KIAA0825: variants seen among roughly 807,000 people sequenced by gnomAD.
KIAA0825 encodes the protein uncharacterized protein KIAA0825.
KIAA0825 carries 119 observed loss-of-function variants against 147.6 expected under a neutral mutation model. The ratio of observed to expected loss-of-function variants is 0.81; its 90% confidence interval spans 0.69 to 0.94. The LOEUF (loss-of-function observed/expected upper bound fraction) is 0.94, where lower values mean the gene tolerates loss of function less well. KIAA0825 is among the 40% of genes least tolerant of loss of function. The probability of loss-of-function intolerance (pLI) is 0.00; values close to 1 mark genes in which losing one functional copy is unlikely to be tolerated. For synonymous variants in KIAA0825, 470 were observed against 518.1 expected, an observed-to-expected ratio of 0.91 and a Z score of 1.26; for missense variants, 1,381 against 1,472.7, an observed-to-expected ratio of 0.94 and a Z score of 1.02.
At chr5:94,347,015 G>C (rs1430517929) in intron 20 of KIAA0825, among the ~76,000 whole-genome samples, 1 of 152,122 alleles carries the variant, frequency 6.6e-6, no homozygotes, top group Non-Finnish European at 1.5e-5. Flanking sequence ...TTGGGAGCTG[G>C]GTGAGGCCTG....
At chr5:94,173,131 A>G (rs913108998) in intron 20 of KIAA0825, among the ~76,000 whole-genome samples, 2 of 152,154 alleles carry the variant, frequency 1.3e-5, no homozygotes, top group Non-Finnish European at 2.9e-5. Context: ...ACACTTCTAT[A>G]TCATGCTCTT....
At chr5:94,463,078 G>A (rs753192230) in intron 11 of KIAA0825, among the ~76,000 whole-genome samples, 138 of 151,934 alleles carry the variant, frequency 9.1e-4, no homozygotes, top group Non-Finnish European at 1.4e-3. Flanking sequence ...AGCTCAAATC[G>A]AGAAGCCTAT....
chr5:94,272,005 T>C (rs1281574490), intron 20 of KIAA0825, among the ~76,000 whole-genome samples: 1 of 150,692 alleles, frequency 6.6e-6, no homozygotes, highest in East Asian at 2.0e-4. Context: ...TGAGATCCTG[T>C]CATTTGCAAC....
chr5:94,171,987 T>A (rs1768661987), intron 20 of KIAA0825, among the ~76,000 whole-genome samples: 1 of 152,202 alleles, frequency 6.6e-6, no homozygotes, highest in African/African-American at 2.4e-5. Context: ...GAACATTGAA[T>A]GTCTCATTAG....
At chr5:94,542,777 A>G (rs2151382347) in intron 2 of KIAA0825, among the ~76,000 whole-genome samples, 1 of 152,228 alleles carries the variant, frequency 6.6e-6, no homozygotes, top group Non-Finnish European at 1.5e-5. Flanking sequence ...ATTGCACTCC[A>G]GCCTGGGTGA....
At chr5:94,298,222 C>T (rs924885365) in intron 20 of KIAA0825, among the ~76,000 whole-genome samples, 9 of 151,286 alleles carry the variant, frequency 5.9e-5, no homozygotes, top group Admixed American at 2.6e-4. Context: ...CACTCCAGCC[C>T]GGGTGACAGT....
At chr5:94,347,369 C>T in intron 20 of KIAA0825, among the ~76,000 whole-genome samples, 1 of 152,232 alleles carries the variant, frequency 6.6e-6, no homozygotes, top group East Asian at 1.9e-4. Context: ...AACATTAAAT[C>T]ACCAAAGCTA....
chr5:94,155,401 T>G (rs1766947701), intron 20 of KIAA0825, among the ~76,000 whole-genome samples: 1 of 151,546 alleles, frequency 6.6e-6, no homozygotes, highest in Non-Finnish European at 1.5e-5. Flanking sequence ...TAATTTTTTG[T>G]AGAGACAGGG....
At chr5:94,477,236 A>C in intron 6 of KIAA0825, 31 bp from the exon 7 acceptor site, 1 of 1,333,544 alleles carries the variant, frequency 7.5e-7, no homozygotes, top group Non-Finnish European at 1.0e-6. Flanking sequence ...CAAACACACT[A>C]ATATATATTG....
intron 20 of KIAA0825, among the ~76,000 whole-genome samples, chr5:94,346,420 TC>T (rs1782992897): frequency 6.6e-6 from 1 of 151,978 alleles, no homozygotes; most frequent in Non-Finnish European, 1.5e-5. Flanking sequence ...AAACCAGCAA[TC>T]CCGAGAGGAT....
chr5:94,229,480 A>G (rs1173101176), intron 20 of KIAA0825, among the ~76,000 whole-genome samples: 1 of 150,382 alleles, frequency 6.6e-6, no homozygotes, highest in Non-Finnish European at 1.5e-5. Context: ...AATCCTTTTA[A>G]TATGGAACTG....
chr5:94,362,241 C>T (rs187405785), intron 20 of KIAA0825, among the ~76,000 whole-genome samples: 1 of 152,192 alleles, frequency 6.6e-6, no homozygotes, highest in Non-Finnish European at 1.5e-5. Flanking sequence ...AAGAAAGAAT[C>T]TGTAACTCTT....
intron 20 of KIAA0825, among the ~76,000 whole-genome samples, chr5:94,239,673 C>G (rs1775247971): frequency 6.6e-6 from 1 of 152,174 alleles, no homozygotes; most frequent in Non-Finnish European, 1.5e-5. Context: ...TTCCATTTCT[C>G]AAGGCATATC....
intron 5 of KIAA0825, among the ~76,000 whole-genome samples, chr5:94,501,354 T>G (rs1018234200): frequency 6.6e-6 from 1 of 152,216 alleles, no homozygotes; most frequent in Non-Finnish European, 1.5e-5. Context: ...AATAGCCATA[T>G]TAATACTTAG....
intron 15 of KIAA0825, chr5:94,413,340 A>T (rs557485326): frequency 6.6e-6 from 1 of 152,300 alleles, no homozygotes; most frequent in Admixed American, 6.5e-5. Context: ...AAAGACTTAT[A>T]CACTAGTATT....
chr5:94,540,667 T>C (rs1427453821), intron 2 of KIAA0825, among the ~76,000 whole-genome samples: 1 of 152,248 alleles, frequency 6.6e-6, no homozygotes, highest in Non-Finnish European at 1.5e-5. Context: ...GCCTTTCATT[T>C]AGTTCATGTG....
intron 20 of KIAA0825, among the ~76,000 whole-genome samples, chr5:94,363,853 G>A (rs1745423057): frequency 6.6e-6 from 1 of 151,814 alleles, no homozygotes; most frequent in Admixed American, 6.6e-5. Flanking sequence ...GGGTGACAGA[G>A]CAAGATTTAT....
intron 2 of KIAA0825, among the ~76,000 whole-genome samples, chr5:94,558,640 T>C (rs1379313827): frequency 2.6e-5 from 4 of 152,170 alleles, no homozygotes; most frequent in African/African-American, 9.7e-5. Context: ...CACCACAGGG[T>C]TCTCTCTAGA....
At chr5:94,446,697 T>G (rs1757768160) in intron 13 of KIAA0825, among the ~76,000 whole-genome samples, 1 of 152,198 alleles carries the variant, frequency 6.6e-6, no homozygotes, top group South Asian at 2.1e-4. Flanking sequence ...TAGCCTATGC[T>G]AGTTTTTTGT....
Sources: allele counts gnomAD v4.1 joint callset (sites outside exome capture counted in the v4.1 genomes callset), GRCh38; gene constraint gnomAD v4.1.1; transcripts MANE v1.5; gene names NCBI Gene and HGNC (gene_info 2026-07-23, HGNC 2026-07-21).